CPNE9: variants seen among roughly 807,000 people sequenced by gnomAD.
The protein encoded by CPNE9 is copine-9.
Under a neutral mutation model 83.0 loss-of-function variants are expected in CPNE9, and 59 were observed. The ratio of observed to expected loss-of-function variants is 0.71; its 90% CI spans 0.58 to 0.88. CPNE9 has a LOEUF of 0.88. Among genes scored for constraint, CPNE9 ranks in the 40% least tolerant of loss-of-function variants. The pLI is 0.00. For missense variants in CPNE9, 619 were observed against 720.8 expected, an observed-to-expected ratio of 0.86 and a Z score of 1.62; for synonymous variants, 256 against 273.4, an observed-to-expected ratio of 0.94 and a Z score of 0.63.
chr3:9,717,046 C>T lies in CPNE9; in HGVS notation c.885-12C>T, dbSNP rs780088648. ...AGTTCCTCACTTCTCAATTCATCTGCTTCCCCAACAGGACACAGCTGAACT... is the reference window on the plus strand; with the variant it reads ...AGTTCCTCACTTCTCAATTCATCTGTTTCCCCAACAGGACACAGCTGAACT... On this transcript the variant is annotated splice_polypyrimidine_tract_variant and intron_variant, in intron 14 of 20. Coordinates refer to ENST00000383832, the MANE Select transcript of CPNE9 (RefSeq NM_153635.3). 3 of 1,613,944 alleles carry T rather than the reference C, an allele frequency of 1.9e-6. No individual in the cohort carries two copies. The highest frequency in any genetic ancestry group is 4.5e-5 in the East Asian group (2 of 44,892).
chr3:9,721,069 A>G (rs2076729656), intron 17 of CPNE9, among the ~76,000 whole-genome samples: 1 of 152,228 alleles, frequency 6.6e-6, no homozygotes, highest in Non-Finnish European at 1.5e-5. Flanking sequence ...TGTTACTATT[A>G]TTATCATTAT....
In CPNE9 at chr3:9,714,917, G is replaced by T; in HGVS notation, c.654G>T (p.Thr218=). The change falls in exon 11 of 21, where the codon ACG becomes ACT. Residue 218 remains threonine (T), a synonymous_variant. Coordinates refer to ENST00000383832, the MANE Select transcript of CPNE9 (RefSeq NM_153635.3). ...ATGTTTATCTCCTACATTTCAGAAC[G>T]GTGAAGATTGATGTGTACGACTGGG... ...RALCNGDYDR[T]VKIDVYDWDR... 1.2e-6 allele frequency: 2 copies of T among 1,613,656 alleles called. No homozygotes were observed. Among genetic ancestry groups the T allele is most frequent in the Non-Finnish European group, 1.7e-6 (2 of 1,179,664 alleles).
At chr3:9,710,913 C>T (rs375740347) in intron 7 of CPNE9, among the ~76,000 whole-genome samples, 3 of 151,852 alleles carry the variant, frequency 2.0e-5, no homozygotes, top group South Asian at 4.2e-4. Flanking sequence ...CTTGTAGTCT[C>T]GGCTACTTGA....
chr3:9,726,167 C>A, intron 18 of CPNE9, 116 bp downstream of exon 18: 2 of 611,094 alleles, frequency 3.3e-6, no homozygotes, highest in Middle Eastern at 4.6e-4. Flanking sequence ...TGGATGCTGG[C>A]AGAAGACACA....
chr3:9,706,149 A>T, intron 7 of CPNE9, 86 bp downstream of exon 7: 1 of 1,385,376 alleles, frequency 7.2e-7, no homozygotes, highest in Non-Finnish European at 1.0e-6. Context: ...ATAGAAGTGG[A>T]GGCTGGGGTT....
chr3:9,727,171 G>T lies in CPNE9; in HGVS notation c.1461G>T (p.Glu487Asp). The change falls in exon 20 of 21, where the codon GAG (glutamate) becomes GAT (aspartate). Residue 487 changes from glutamate (E) to aspartate (D), a missense_variant. This residue lies in a region of CPNE9 where 438 missense variants were observed against 562.9 expected (regional missense o/e 0.78). Coordinates refer to ENST00000383832, the MANE Select transcript of CPNE9 (RefSeq NM_153635.3). ...TGTCCTCTAGGGGACGCTACGCAGA[G>T]CGGGACATCGTTCAGGTAGACCTGA... ...VRVSSRGRYA[E>D]RDIVQFVPFR... The T allele has an allele frequency of 1.2e-6, 2 of 1,614,222 alleles. No individual in the cohort carries two copies. Among genetic ancestry groups the T allele is most frequent in the Non-Finnish European group, 1.7e-6 (2 of 1,180,046 alleles).
At chr3:9,711,719 G>A (rs573458385) in intron 7 of CPNE9, among the ~76,000 whole-genome samples, 2 of 152,250 alleles carry the variant, frequency 1.3e-5, no homozygotes, top group East Asian at 3.9e-4. Flanking sequence ...GGGAATCAGG[G>A]TTCACAGGCC....
chr3:9,727,309 C>T (rs767912777), intron 20 of CPNE9, 123 bp downstream of exon 20: 3 of 1,053,184 alleles, frequency 2.8e-6, no homozygotes, highest in Middle Eastern at 2.0e-4. Flanking sequence ...CTCTTTCATC[C>T]TTTCTCATTC....
intron 20 of CPNE9, among the ~76,000 whole-genome samples, chr3:9,728,345 C>T (rs906973619): frequency 2.0e-5 from 3 of 152,126 alleles, no homozygotes; most frequent in African/African-American, 7.2e-5. Flanking sequence ...AAATAAAGGC[C>T]GGGCGCGGTG....
At chr3:9,717,382 G>C (rs543324920) in intron 15 of CPNE9, among the ~76,000 whole-genome samples, 1 of 152,348 alleles carries the variant, frequency 6.6e-6, no homozygotes, top group South Asian at 2.1e-4. Context: ...CAGGTGGTGA[G>C]TCATGAATGG....
At chr3:9,706,737 C>A (rs1393461947) in intron 7 of CPNE9, among the ~76,000 whole-genome samples, 1 of 152,214 alleles carries the variant, frequency 6.6e-6, no homozygotes, top group Non-Finnish European at 1.5e-5. Context: ...CAGGATTCAA[C>A]AGTGCGGTTG....
chr3:9,712,124 A>G (rs2076635785), intron 7 of CPNE9, among the ~76,000 whole-genome samples: 1 of 152,152 alleles, frequency 6.6e-6, no homozygotes, highest in African/African-American at 2.4e-5. Flanking sequence ...ACCAGCTCAT[A>G]TCTATAAGGC....
rs984752291 is a variant in CPNE9 at position 9,704,740 on chromosome 3, C to T, written c.110-9C>T. 5.0e-6 allele frequency: 8 copies of T among 1,612,604 alleles called. No individual in the cohort carries two copies. Among genetic ancestry groups the T allele is most frequent in the Non-Finnish European group, 6.8e-6 (8 of 1,179,706 alleles). ...CCTGACGTCCTTCCCTCCCCGCCCC[C>T]ACCTGCAGTGGTGGTGCTTTACACG... On this transcript the variant is annotated splice_polypyrimidine_tract_variant and intron_variant, in intron 2 of 20. Coordinates refer to ENST00000383832, the MANE Select transcript of CPNE9 (RefSeq NM_153635.3). This position sits in a 1 kb window ranked among gnomAD's most constrained non-coding sequence, Gnocchi z 7.1.
rs771078896 is a variant in CPNE9 at position 9,715,464 on chromosome 3, T to G, written c.769-9T>G. ...GTTTCTCATCATCACTGTTACCTCC[T>G]CCCCTTAGGTTCTTAACCCTCGGAA... On this transcript the variant is annotated splice_polypyrimidine_tract_variant and intron_variant, in intron 12 of 20. Coordinates refer to ENST00000383832, the MANE Select transcript of CPNE9 (RefSeq NM_153635.3). 9.9e-6 allele frequency: 16 copies of G among 1,613,404 alleles called. No homozygotes were observed. The African/African-American group carries it at 2.0e-4, about 20-fold the overall frequency.
chr3:9,704,546 T>C lies in CPNE9; in HGVS notation c.69-41T>C. On this transcript the variant is annotated intron_variant, in intron 1 of 20. Transcript: ENST00000383832. The surrounding 1 kb of genome is among the most constrained non-coding windows in gnomAD (Gnocchi z 7.1). ...CAGAGCCGACTCGAGGCGGGCGGAC[T>C]CCAGGATGATCCACTCTGTCTGTCT... 1 of 1,574,322 alleles carries C rather than the reference T, an allele frequency of 6.4e-7. No homozygotes were observed. The highest frequency in any genetic ancestry group is 1.1e-5 in the South Asian group (1 of 90,156).
In CPNE9 at chr3:9,714,957, T is replaced by C. The variant is rs752042819; in HGVS notation, c.692+2T>C. 22 of 1,613,632 alleles carry C rather than the reference T, an allele frequency of 1.4e-5. No individual in the cohort carries two copies. The highest frequency in any genetic ancestry group is 1.7e-5 in the Non-Finnish European group (20 of 1,179,588). On this transcript the variant is annotated splice_donor_variant, in intron 11 of 20. Transcript: ENST00000383832. LOFTEE classifies it high-confidence loss of function. The stretch of plus-strand genomic sequence containing the variant: ...GTACGACTGGGACCGGGATGGAAGG[T>C]AGAACTGCCCCACATGGTCCCTTCT...
At chr3:9,716,554 T>C (rs545315891) in intron 14 of CPNE9, among the ~76,000 whole-genome samples, 3 of 152,154 alleles carry the variant, frequency 2.0e-5, no homozygotes, top group Admixed American at 2.0e-4. Context: ...CACTGCAACC[T>C]CCGCCTCCCA....
At chr3:9,712,865 G>A in intron 9 of CPNE9, 37 bp downstream of exon 9, 2 of 1,589,776 alleles carry the variant, frequency 1.3e-6, no homozygotes, top group Non-Finnish European at 1.7e-6. Context: ...GGCTGGGGTG[G>A]GCCATGTGCT....
intron 17 of CPNE9, among the ~76,000 whole-genome samples, chr3:9,725,698 G>GTATATATGTA (rs1489780475): frequency 1.9e-4 from 20 of 105,642 alleles, no homozygotes; most frequent in East Asian, 4.1e-4. Context: ...ACATATATGT[G>GTATATATGTA]TATATATGTG....
Sources: gnomAD v4.1 joint callset for allele counts (sites outside exome capture counted in the v4.1 genomes callset) on GRCh38, gnomAD v4.1.1 for gene constraint, gnomAD v4.1.1 regional missense constraint, Gnocchi (gnomAD v3.1) non-coding constraint, MANE v1.5 for transcripts, NCBI Gene and HGNC (gene_info 2026-07-23, HGNC 2026-07-21) for gene names.